The following ESR1 variants were observed in gnomAD, a reference collection of about 807,000 sequenced individuals.
ESR1 encodes estrogen receptor 1, also known as estrogen receptor.
ESR1 carries 12 observed loss-of-function variants against 52.7 expected under a neutral mutation model. The observed-to-expected ratio is 0.23, with a 90% CI of 0.15 to 0.37. The LOEUF is 0.37. Ranked by LOEUF, ESR1 falls within the 10% of genes least tolerant of loss-of-function variation. The pLI, the probability that ESR1 is intolerant of heterozygous loss-of-function variation, is 1.00. For missense variants in ESR1, 584 were observed against 779.7 expected (o/e 0.75, Z 2.99); for synonymous variants, 305 against 316.8 (o/e 0.96, Z 0.39).
chr6:151,831,164 A>G (rs2128214170), intron 1 of ESR1, among the ~76,000 whole-genome samples: 2 of 148,096 alleles, frequency 1.4e-5, no homozygotes, highest in South Asian at 4.2e-4. Context: ...TTTTTTTGAG[A>G]CAGGTTCTCT....
At chr6:151,938,950 A>G (rs1455677267) in intron 3 of ESR1, among the ~76,000 whole-genome samples, 1 of 152,218 alleles carries the variant, frequency 6.6e-6, no homozygotes, top group Non-Finnish European at 1.5e-5. Flanking sequence ...AAATTCTTCA[A>G]TAATTGTTAA....
chr6:151,953,880 T>C (rs2036605259), intron 4 of ESR1, among the ~76,000 whole-genome samples: 1 of 151,904 alleles, frequency 6.6e-6, no homozygotes, highest in South Asian at 2.1e-4. Context: ...TTTTATGTTA[T>C]TGCCTTCTTT....
chr6:151,996,411 G>T (rs1476533847), intron 4 of ESR1, among the ~76,000 whole-genome samples: 1 of 151,938 alleles, frequency 6.6e-6, no homozygotes, highest in Non-Finnish European at 1.5e-5. Context: ...TCCTTCTTCT[G>T]CCTGGAATGA....
intron 2 of ESR1, among the ~76,000 whole-genome samples, chr6:151,852,127 G>A (rs1047102953): frequency 6.6e-6 from 1 of 152,168 alleles, no homozygotes; most frequent in African/African-American, 2.4e-5. Flanking sequence ...TGGTCACCAA[G>A]AGGAAGGCCA....
intron 2 of ESR1, among the ~76,000 whole-genome samples, chr6:151,736,134 T>A (rs934180007): frequency 2.0e-5 from 3 of 152,194 alleles, no homozygotes; most frequent in African/African-American, 7.2e-5. Flanking sequence ...AATAGAAGGC[T>A]CTTTACCTTT....
At chr6:151,875,707 A>G (rs1791691244) in intron 2 of ESR1, among the ~76,000 whole-genome samples, 1 of 152,138 alleles carries the variant, frequency 6.6e-6, no homozygotes, top group South Asian at 2.1e-4. Flanking sequence ...GGCCAAGAGG[A>G]GAAAAAGTGT....
chr6:152,098,910 T>C lies in ESR1; in HGVS notation c.1732T>C (p.Ser578Pro). The part of the protein sequence containing the change: ...LATAGSTSSH[S>P]LQKYYITGEA... ...CACTGCGGGCTCTACTTCATCGCAT[T>C]CCTTGCAAAAGTATTACATCACGGG... The change falls in exon 8 of 8, where the codon TCC becomes CCC. Residue 578 changes from serine (S) to proline (P), a missense_variant. Around this residue, in one of 6 missense-constraint regions of ESR1, gnomAD observed 71 missense variants for 66.1 expected, o/e 1.07. Coordinates refer to ENST00000206249, the MANE Select transcript of ESR1 (RefSeq NM_000125.4). The surrounding 1 kb of genome is among the most constrained non-coding windows in gnomAD (Gnocchi z 5.1). 2 of 1,614,230 alleles carry C rather than the reference T, an allele frequency of 1.2e-6. No homozygotes were observed. Among genetic ancestry groups the C allele is most frequent in the Non-Finnish European group, 1.7e-6 (2 of 1,180,050 alleles).
intron 4 of ESR1, among the ~76,000 whole-genome samples, chr6:151,974,831 A>G (rs1247291976): frequency 6.6e-6 from 1 of 152,134 alleles, no homozygotes; most frequent in Non-Finnish European, 1.5e-5. Flanking sequence ...AGCCGTCTTC[A>G]CTATTTTGCT....
intron 5 of ESR1, among the ~76,000 whole-genome samples, chr6:152,054,176 G>A (rs770635309): frequency 1.3e-5 from 2 of 151,926 alleles, no homozygotes; most frequent in East Asian, 3.9e-4. Flanking sequence ...ACTTAGTCTC[G>A]TGAAATTTTA....
At chr6:151,943,818 A>G (rs1260512035) in intron 3 of ESR1, among the ~76,000 whole-genome samples, 2 of 152,120 alleles carry the variant, frequency 1.3e-5, no homozygotes, top group Admixed American at 1.3e-4. Flanking sequence ...ACACACCCCT[A>G]CCTAGTGTGT....
At chr6:151,739,785 C>T (rs1782943819) in intron 2 of ESR1, among the ~76,000 whole-genome samples, 1 of 152,210 alleles carries the variant, frequency 6.6e-6, no homozygotes, top group East Asian at 1.9e-4. Context: ...ATAGCAATTT[C>T]TATTTCTTTC....
At chr6:151,658,810 A>C (rs1368379288) in intron 1 of ESR1, among the ~76,000 whole-genome samples, 1 of 152,218 alleles carries the variant, frequency 6.6e-6, no homozygotes, top group Non-Finnish European at 1.5e-5. Flanking sequence ...TTTACAGATA[A>C]GGAAGCTGAG....
intron 4 of ESR1, among the ~76,000 whole-genome samples, chr6:151,962,976 G>C (rs553705879): frequency 1.1e-4 from 17 of 152,242 alleles, no homozygotes; most frequent in African/African-American, 4.1e-4. Flanking sequence ...TGAGTTCGCT[G>C]TTACAGTGTC....
intron 3 of ESR1, among the ~76,000 whole-genome samples, chr6:151,915,009 A>G (rs1007171705): frequency 6.6e-6 from 1 of 152,184 alleles, no homozygotes; most frequent in Non-Finnish European, 1.5e-5. Flanking sequence ...TGAATATCCC[A>G]TCTGATTAAA....
rs12525969 is a variant in ESR1 at position 151,921,909 on chromosome 6, T to C, written c.761-22264T>C. 1.8e-4 allele frequency among the ~76,000 whole-genome samples: 27 copies of C among 152,354 alleles called. No individual in the cohort carries two copies. The East Asian group carries it at 5.2e-3, about 29-fold the overall frequency. On this transcript the variant is annotated intron_variant, in intron 3 of 7. Coordinates refer to ENST00000206249, the MANE Select transcript of ESR1 (RefSeq NM_000125.4). ...GGTTGCCTGTTTTCTCTGATGATTG[T>C]TTCTTTTGCTGTACAGAAGATCTTT...
chr6:152,086,339 A>G (rs1241592707), intron 6 of ESR1, among the ~76,000 whole-genome samples: 1 of 151,344 alleles, frequency 6.6e-6, no homozygotes, highest in African/African-American at 2.4e-5. Context: ...AGGCTATAAT[A>G]TTTTATTACA....
At chr6:151,661,374 T>C (rs529850764) in intron 1 of ESR1, among the ~76,000 whole-genome samples, 1 of 152,338 alleles carries the variant, frequency 6.6e-6, no homozygotes, top group South Asian at 2.1e-4. Flanking sequence ...AAGTTTAGCC[T>C]GCATTCTGTT....
At chr6:152,021,687 T>C (rs1735576198) in intron 5 of ESR1, among the ~76,000 whole-genome samples, 1 of 152,174 alleles carries the variant, frequency 6.6e-6, no homozygotes, top group Non-Finnish European at 1.5e-5. Flanking sequence ...GGTTTGGCTG[T>C]GTCCTCACCC....
intron 3 of ESR1, among the ~76,000 whole-genome samples, chr6:151,929,432 C>T (rs1301778701): frequency 6.6e-6 from 1 of 152,056 alleles, no homozygotes; most frequent in African/African-American, 2.4e-5. Flanking sequence ...CATTCCTTTA[C>T]TTTTAACATA....
Sources: gnomAD v4.1 joint callset for allele counts (sites outside exome capture counted in the v4.1 genomes callset) on GRCh38, gnomAD v4.1.1 for gene constraint, gnomAD v4.1.1 regional missense constraint, Gnocchi (gnomAD v3.1) non-coding constraint, MANE v1.5 for transcripts, NCBI Gene and HGNC (gene_info 2026-07-23, HGNC 2026-07-21) for gene names.